Variants in MACROD2 observed in about 807,000 individuals in gnomAD.
The protein encoded by MACROD2 is ADP-ribose glycohydrolase MACROD2.
A neutral mutation model predicts 70.4 loss-of-function variants in MACROD2; 36 were observed. The observed-to-expected ratio is 0.51, with a 90% CI of 0.39 to 0.68. The LOEUF is 0.68. MACROD2 is among the 30% of genes least tolerant of loss of function. The pLI is 0.00. For missense variants in MACROD2, 496 were observed against 538.4 expected (o/e 0.92, Z 0.78); for synonymous variants, 172 against 178.8 (o/e 0.96, Z 0.30).
intron 3 of MACROD2, among the ~76,000 whole-genome samples, chr20:14,161,575 G>T (rs1222168684): frequency 4.8e-4 from 66 of 136,204 alleles, no homozygotes; most frequent in African/African-American, 1.5e-3. Context: ...AGACCCTTTG[G>T]TTTTTTTTTT....
chr20:14,478,915 G>T (rs2084629692), intron 3 of MACROD2, among the ~76,000 whole-genome samples: 1 of 152,028 alleles, frequency 6.6e-6, no homozygotes, highest in Admixed American at 6.5e-5. Context: ...TGAGGGGACA[G>T]AACACATTTT....
At chr20:15,664,695 C>A (rs2049873226) in intron 8 of MACROD2, among the ~76,000 whole-genome samples, 1 of 152,104 alleles carries the variant, frequency 6.6e-6, no homozygotes, top group Non-Finnish European at 1.5e-5. Flanking sequence ...CAACAGCTGG[C>A]CAGAAGTTGC....
chr20:15,121,420 G>A (rs997609695), intron 5 of MACROD2, among the ~76,000 whole-genome samples: 3 of 151,018 alleles, frequency 2.0e-5, no homozygotes, highest in African/African-American at 7.3e-5. Context: ...GGCTGAGAGA[G>A]GAGAATCGCT....
chr20:14,806,366 C>T (rs531812809), intron 5 of MACROD2, among the ~76,000 whole-genome samples: 2 of 152,176 alleles, frequency 1.3e-5, no homozygotes, highest in African/African-American at 4.8e-5. Context: ...GGAACTCTCT[C>T]CTCTAGCCAA....
chr20:15,913,788 C>T (rs1014161243), intron 10 of MACROD2, among the ~76,000 whole-genome samples: 2 of 152,044 alleles, frequency 1.3e-5, no homozygotes, highest in Admixed American at 6.6e-5. Context: ...CAAATGCAGT[C>T]GTAAAGTCTC....
At chr20:15,119,783 A>G (rs1021935079) in intron 5 of MACROD2, among the ~76,000 whole-genome samples, 1 of 152,260 alleles carries the variant, frequency 6.6e-6, no homozygotes, top group Non-Finnish European at 1.5e-5. Flanking sequence ...AAACTTTTGA[A>G]GTACTTTTAT....
At chr20:15,654,395 G>A (rs1033832051) in intron 8 of MACROD2, among the ~76,000 whole-genome samples, 14 of 152,190 alleles carry the variant, frequency 9.2e-5, no homozygotes, top group Non-Finnish European at 1.6e-4. Context: ...TGTCTGGCAG[G>A]CATAAGGCCC....
intron 5 of MACROD2, among the ~76,000 whole-genome samples, chr20:15,202,540 G>A (rs1449614232): frequency 6.6e-6 from 1 of 152,082 alleles, no homozygotes; most frequent in African/African-American, 2.4e-5. Flanking sequence ...TGTTGGAATT[G>A]TACTTTTAAG....
intron 3 of MACROD2, among the ~76,000 whole-genome samples, chr20:14,347,575 C>G (rs1335793181): frequency 1.3e-5 from 2 of 152,104 alleles, no homozygotes; most frequent in Non-Finnish European, 2.9e-5. Context: ...CCTAATCCTG[C>G]TGATTTCCAT....
chr20:14,984,227 G>T (rs2074828214), intron 5 of MACROD2, among the ~76,000 whole-genome samples: 1 of 152,100 alleles, frequency 6.6e-6, no homozygotes, highest in Non-Finnish European at 1.5e-5. Context: ...TTTCATATTG[G>T]TTATAATTCT....
chr20:14,053,281 A>G (rs556692597), intron 2 of MACROD2: 2 of 152,256 alleles, frequency 1.3e-5, no homozygotes, highest in East Asian at 3.9e-4. Context: ...TTGTATATGT[A>G]ACTCTAAGAG....
At chr20:15,959,015 A>T (rs2066019625) in intron 12 of MACROD2, among the ~76,000 whole-genome samples, 1 of 152,224 alleles carries the variant, frequency 6.6e-6, no homozygotes, top group South Asian at 2.1e-4. Flanking sequence ...TGTCAGGCCA[A>T]GCTGACAATA....
rs990336202 is a variant in MACROD2 at position 14,471,120 on chromosome 20, G to C, written c.272-22359G>C. The stretch of plus-strand genomic sequence containing the variant: ...CATGGGAAAAGTGTAGTATCTGGGC[G>C]GGAATGCACTGTCCCTCAGGGCACA... On this transcript the variant is annotated intron_variant, in intron 3 of 17. Transcript: ENST00000684519. 2.6e-5 allele frequency among the ~76,000 whole-genome samples: 4 copies of C among 152,284 alleles called. 1 individual carries two copies. The highest frequency in any genetic ancestry group is 9.6e-5 in the African/African-American group (4 of 41,546).
chr20:14,084,083 A>AC (rs2054041346), intron 2 of MACROD2, among the ~76,000 whole-genome samples: 4 of 144,912 alleles, frequency 2.8e-5, no homozygotes, highest in African/African-American at 5.1e-5. Context: ...AAAAACAAAC[A>AC]AAAAAAAACC....
At chr20:15,479,779 C>T (rs2047072412) in intron 7 of MACROD2, among the ~76,000 whole-genome samples, 1 of 152,144 alleles carries the variant, frequency 6.6e-6, no homozygotes, top group Non-Finnish European at 1.5e-5. Context: ...ATTTTTCACA[C>T]CAGCTGCTTC....
chr20:15,557,087 A>C (rs2048178216), intron 8 of MACROD2, among the ~76,000 whole-genome samples: 1 of 152,220 alleles, frequency 6.6e-6, no homozygotes, highest in Admixed American at 6.5e-5. Flanking sequence ...CAGCAACATA[A>C]AATTCATATG....
At chr20:14,816,764 A>T (rs899841960) in intron 5 of MACROD2, among the ~76,000 whole-genome samples, 1 of 152,054 alleles carries the variant, frequency 6.6e-6, no homozygotes, top group African/African-American at 2.4e-5. Flanking sequence ...ATAGTTGGAC[A>T]AATTGGGTAA....
At chr20:15,171,710 C>T (rs2076423995) in intron 5 of MACROD2, among the ~76,000 whole-genome samples, 3 of 152,254 alleles carry the variant, frequency 2.0e-5, no homozygotes, top group South Asian at 4.1e-4. Flanking sequence ...TCTTTGAAAA[C>T]ACTTTAAATG....
chr20:14,097,528 A>G (rs2054244628), intron 3 of MACROD2, among the ~76,000 whole-genome samples: 1 of 152,196 alleles, frequency 6.6e-6, no homozygotes, highest in African/African-American at 2.4e-5. Context: ...GGAGAGGCAT[A>G]TTTACATTGT....
Sources: allele counts gnomAD v4.1 joint callset (sites outside exome capture counted in the v4.1 genomes callset), GRCh38; gene constraint gnomAD v4.1.1; transcripts MANE v1.5; gene names NCBI Gene and HGNC (gene_info 2026-07-23, HGNC 2026-07-21).